MLIP: variants seen among roughly 807,000 people sequenced by gnomAD.
The protein encoded by MLIP is muscular LMNA interacting protein.
In MLIP, 79 loss-of-function variants were observed where a neutral mutation model predicts 84.8. The observed-to-expected ratio is 0.93, with a 90% CI of 0.78 to 1.12. The LOEUF (loss-of-function observed/expected upper bound fraction) is 1.12, where lower values mean the gene tolerates loss of function less well. Among genes scored for constraint, MLIP ranks in the 50% most tolerant of loss-of-function variants. MLIP has a pLI of 0.00. For synonymous variants in MLIP, 504 were observed against 463.0 expected (o/e 1.09, Z -1.14); for missense variants, 1,257 against 1,160.6 (o/e 1.08, Z -1.21).
chr6:54,097,754 A>G (rs973185827), intron 1 of MLIP, among the ~76,000 whole-genome samples: 7 of 152,192 alleles, frequency 4.6e-5, no homozygotes, highest in African/African-American at 1.7e-4. Context: ...CTTTATATCT[A>G]TTGCATAATT....
At chr6:54,038,760 T>C (rs1027185550) in intron 1 of MLIP, among the ~76,000 whole-genome samples, 1 of 151,944 alleles carries the variant, frequency 6.6e-6, no homozygotes, top group Non-Finnish European at 1.5e-5. Flanking sequence ...TTTCTTAGCA[T>C]GTATTATATA....
intron 11 of MLIP, 59 bp downstream of exon 11, chr6:54,202,292 A>G (rs1778743590): frequency 1.1e-5 from 5 of 451,752 alleles, no homozygotes; most frequent in South Asian, 6.5e-5. Context: ...TATATAAAAT[A>G]TATATAAATA....
rs1770455665 is a variant in MLIP, at chr6:54,121,552, G to A, written c.202G>A (p.Val68Ile). The A allele has an allele frequency of 6.2e-7, 1 of 1,613,572 alleles. No homozygotes were observed. Among genetic ancestry groups the A allele is most frequent in the Non-Finnish European group, 8.5e-7 (1 of 1,179,778 alleles). The change falls in exon 2 of 14, where the codon GTT (valine) becomes ATT (isoleucine). Residue 68 changes from valine to isoleucine, a missense_variant. Transcript: ENST00000502396. ...TQLADTSKFL[V>I]KIPEESSDKS... The stretch of plus-strand genomic sequence containing the variant: ...GTTGGCTGACACCTCTAAATTCCTT[G>A]TTAAAATTCCAGAAGAATCAAGTGA...
At chr6:54,033,644 G>C (rs1369499880) in intron 1 of MLIP, among the ~76,000 whole-genome samples, 2 of 152,054 alleles carry the variant, frequency 1.3e-5, no homozygotes. Context: ...CTGAATCCAG[G>C]TCTACTCTCC....
rs774124393 is a variant in MLIP, at chr6:54,265,977, C to T, written c.*22C>T. On this transcript the variant is annotated 3_prime_UTR_variant, in exon 14 of 14. Coordinates refer to ENST00000502396, the MANE Select transcript of MLIP (RefSeq NM_001281747.2). ...ATGAAGTTGGAGCAGAGGCTGAAAA[C>T]ACAGGCTGCTGAAGTTTTTTGGAAT... 2.5e-6 allele frequency: 4 copies of T among 1,611,376 alleles called. No individual in the cohort carries two copies. In the African/African-American group the frequency reaches 5.3e-5, roughly 22 times the overall value.
intron 8 of MLIP, among the ~76,000 whole-genome samples, chr6:54,162,826 G>A (rs771227944): frequency 3.3e-5 from 5 of 151,934 alleles, no homozygotes; most frequent in Non-Finnish European, 7.4e-5. Context: ...AGGGTCATTG[G>A]CACATAGACA....
At chr6:54,114,129 G>A (rs993900406) in intron 1 of MLIP, among the ~76,000 whole-genome samples, 14 of 152,216 alleles carry the variant, frequency 9.2e-5, no homozygotes, top group Admixed American at 2.0e-4. Flanking sequence ...AGGCCACCTT[G>A]GCTAGTTCTT....
intron 10 of MLIP, among the ~76,000 whole-genome samples, chr6:54,201,020 G>A (rs1778641448): frequency 6.6e-6 from 1 of 152,206 alleles, no homozygotes; most frequent in Non-Finnish European, 1.5e-5. Flanking sequence ...TGCAGCAAAA[G>A]TGCTTAAACA....
At chr6:54,030,574 T>A in intron 1 of MLIP, 1 of 103,604 alleles carries the variant, frequency 9.7e-6, no homozygotes, top group African/African-American at 4.1e-5. Context: ...ACACAGCAAC[T>A]ATTTTTTTTT....
intron 1 of MLIP, chr6:54,058,965 T>C (rs1765810955): frequency 6.6e-6 from 1 of 152,208 alleles, no homozygotes; most frequent in Non-Finnish European, 1.5e-5. Flanking sequence ...AGCTCCGTAG[T>C]TGAACCTGAA....
rs1019087089 is a variant in MLIP at position 54,111,557 on chromosome 6, C to A, written c.78C>A (p.Ser26Arg). The change falls in exon 1 of 14, where the codon AGC (serine) becomes AGA (arginine). Residue 26 changes from serine to arginine, a missense_variant. Physicochemically the swap from Ser to Arg is moderately radical, Grantham distance 110 (BLOSUM62 -1). Transcript: ENST00000502396. ...FQMTSCILSG[S>R]IQTTPQVSAG... ...TGACCTCGTGCATCTTATCAGGGAGCATTCAGACCACACCCCAGGTAAAAG... is the reference window on the plus strand; with the variant it reads ...TGACCTCGTGCATCTTATCAGGGAGAATTCAGACCACACCCCAGGTAAAAG... 3.6e-5 allele frequency: 56 copies of A among 1,535,888 alleles called. No homozygotes were observed. Among genetic ancestry groups the A allele is most frequent in the Non-Finnish European group, 4.5e-5 (52 of 1,146,854 alleles).
Position 54,260,612 on chromosome 6 carries a change from C to T in MLIP, c.2976+3251C>T, listed in dbSNP as rs1330704110. Among the ~76,000 whole-genome samples, 3 of 151,892 alleles carry T rather than the reference C, an allele frequency of 2.0e-5. No homozygotes were observed. The East Asian group carries it at 5.8e-4, about 29-fold the overall frequency. ...AAATAGAAAGTAAAAGTAGGAGGATCATGAAAGAATTTGTTGCAGTGAATG... is the reference window on the plus strand; with the variant it reads ...AAATAGAAAGTAAAAGTAGGAGGATTATGAAAGAATTTGTTGCAGTGAATG... On this transcript the variant is annotated intron_variant, in intron 13 of 13. Transcript: ENST00000502396.
At chr6:54,199,237 TTCC>T (rs1325417045) in intron 10 of MLIP, among the ~76,000 whole-genome samples, 1 of 152,140 alleles carries the variant, frequency 6.6e-6, no homozygotes, top group Non-Finnish European at 1.5e-5. Context: ...GATGTCTCTC[TTCC>T]TCCCTGGAAT....
chr6:54,028,438 T>C (rs1391922064), intron 1 of MLIP, among the ~76,000 whole-genome samples: 1 of 152,218 alleles, frequency 6.6e-6, no homozygotes. Flanking sequence ...GAACCTGTTA[T>C]AATTTCTCTG....
rs1196878323 is a variant in MLIP, at chr6:54,124,508, G to C, written c.288G>C (p.Gly96=). 1.2e-6 allele frequency: 2 copies of C among 1,613,894 alleles called. No individual in the cohort carries two copies. Among genetic ancestry groups the C allele is most frequent in the African/African-American group, 2.7e-5 (2 of 74,886 alleles). ...KSNDYLTLNA[G]SQQERDQAKL... is the part of the protein sequence containing the mutation. ...ATGACTACTTGACCTTGAATGCTGGGAGCCAACAAGAGAGAGACCAAGCGA... is the reference window on the plus strand; with the variant it reads ...ATGACTACTTGACCTTGAATGCTGGCAGCCAACAAGAGAGAGACCAAGCGA... Residue 96 remains glycine, a synonymous_variant, in exon 3 of 14, where the codon GGG becomes GGC. Coordinates refer to ENST00000502396, the MANE Select transcript of MLIP (RefSeq NM_001281747.2).
intron 1 of MLIP, among the ~76,000 whole-genome samples, chr6:54,040,034 T>A (rs1764655632): frequency 1.3e-5 from 2 of 152,028 alleles, no homozygotes; most frequent in South Asian, 4.1e-4. Context: ...ATTTTTGTGT[T>A]GAACATTGTA....
chr6:54,129,410 T>C (rs1413863897), intron 3 of MLIP, among the ~76,000 whole-genome samples: 1 of 152,140 alleles, frequency 6.6e-6, no homozygotes, highest in Non-Finnish European at 1.5e-5. Flanking sequence ...GTCTGATGAA[T>C]GAATGAATAA....
At chr6:54,218,753 T>C (rs1285629008) in intron 11 of MLIP, among the ~76,000 whole-genome samples, 1 of 152,038 alleles carries the variant, frequency 6.6e-6, no homozygotes, top group Non-Finnish European at 1.5e-5. Context: ...TGACCTCAGG[T>C]GATCTGCCCA....
intron 11 of MLIP, chr6:54,215,211 G>A (rs1282050955): frequency 9.1e-6 from 14 of 1,534,156 alleles, no homozygotes; most frequent in Middle Eastern, 1.9e-4. Flanking sequence ...GATCATTGAG[G>A]AACCCTATCC....
Sources: allele counts gnomAD v4.1 joint callset (sites outside exome capture counted in the v4.1 genomes callset), GRCh38; gene constraint gnomAD v4.1.1; transcripts MANE v1.5; gene names NCBI Gene and HGNC (gene_info 2026-07-23, HGNC 2026-07-21).